STEAP2: variants seen among roughly 807,000 people sequenced by gnomAD.
The protein encoded by STEAP2 is metalloreductase STEAP2.
In STEAP2, 30 loss-of-function variants were observed where a neutral mutation model predicts 46.4. The observed-to-expected ratio is 0.65, with a 90% confidence interval of 0.48 to 0.88. The LOEUF (loss-of-function observed/expected upper bound fraction) is 0.88, where lower values mean the gene tolerates loss of function less well. STEAP2 is among the 40% of genes least tolerant of loss of function. The pLI is 0.00. For missense variants in STEAP2, 513 were observed against 579.3 expected (o/e 0.89, Z 1.18); for synonymous variants, 180 against 200.5 (o/e 0.90, Z 0.86).
At position 90,225,169 on chromosome 7, in the gene STEAP2, G is replaced by T; in HGVS notation, c.87G>T (p.Arg29Ser). 6.2e-7 allele frequency: 1 copy of T among 1,613,930 alleles called. No homozygotes were observed. Among genetic ancestry groups the T allele is most frequent in the Non-Finnish European group, 8.5e-7 (1 of 1,179,928 alleles). ...GCATAAATGGTATCAAAGATGCAAG[G>T]AAGGTCACTGTAGGTGTGATTGGAA... ...PNGINGIKDA[R>S]KVTVGVIGSG... The change falls in exon 3 of 6, where the codon AGG becomes AGT. Residue 29 changes from arginine to serine, a missense_variant. Coordinates refer to ENST00000394621, the MANE Select transcript of STEAP2 (RefSeq NM_001244944.2).
rs957786779 is a variant in STEAP2 at position 90,236,913 on chromosome 7, C to G, written c.*4289C>G. 2.5e-6 allele frequency: 4 copies of G among 1,614,044 alleles called. No homozygotes were observed. The Admixed American group carries it at 6.7e-5, about 27-fold the overall frequency. The stretch of plus-strand genomic sequence containing the variant: ...AAGATCTTTTGCAGCTTTGCAGATA[C>G]CCAGACTGAGCTGGAACTGGAATTT... On this transcript the variant is annotated 3_prime_UTR_variant, in exon 6 of 6. Coordinates refer to ENST00000394621, the MANE Select transcript of STEAP2 (RefSeq NM_001244944.2).
In STEAP2 at chr7:90,236,760, A is replaced by C. The variant is rs1047029589; in HGVS notation, c.*4136A>C. On this transcript the variant is annotated 3_prime_UTR_variant, in exon 6 of 6. Transcript: ENST00000394621. The stretch of plus-strand genomic sequence containing the variant: ...TTGAATTTCCATCATGCATTCATCC[A>C]AAATTAAGGCAGACTGTTTGGATTC... 25 of 1,434,782 alleles carry C rather than the reference A, an allele frequency of 1.7e-5. No homozygotes were observed. Among genetic ancestry groups the C allele is most frequent in the Non-Finnish European group, 2.3e-5 (25 of 1,096,164 alleles). 88.9% of individuals were successfully genotyped at this position (1,434,782 alleles called of 1,614,324 possible). A position where few individuals can be genotyped will look rare whatever the true frequency, so the allele number is the denominator to read the frequency against.
chr7:90,223,298 C>G lies in STEAP2; in HGVS notation c.-33-1752C>G, dbSNP rs544127672. On this transcript the variant is annotated intron_variant, in intron 2 of 5. Coordinates refer to ENST00000394621, the MANE Select transcript of STEAP2 (RefSeq NM_001244944.2). ...TGCTTAGTCTGGTGGCTCCCACACA[C>G]ACAGCTCCCTTGCCTTCAGGGTCAG... Among the ~76,000 whole-genome samples, 10 of 152,318 alleles carry G rather than the reference C, an allele frequency of 6.6e-5. No homozygotes were observed. In the South Asian group the frequency reaches 2.1e-3, roughly 32 times the overall value.
downstream of STEAP2, among the ~76,000 whole-genome samples, chr7:90,241,631 A>C (rs1278300799): frequency 6.6e-6 from 1 of 152,136 alleles, no homozygotes; most frequent in Non-Finnish European, 1.5e-5. Flanking sequence ...GTAGGGCTTG[A>C]GATTCTGTTT....
At position 90,233,583 on chromosome 7, in the gene STEAP2, T is replaced by A. The variant is rs1376617527; in HGVS notation, c.*959T>A. 1 of 944,598 alleles carries A rather than the reference T, an allele frequency of 1.1e-6. No homozygotes were observed. The highest frequency in any genetic ancestry group is 1.3e-6 in the Non-Finnish European group (1 of 792,868). The allele number at this position is 944,598 out of a possible 1,614,324, so 58.5% of individuals were successfully genotyped here. ...ATGGTTCTAAGTACTTTACTTGTATTATCCCATTTAATACTTAGAACAACC... is the reference window on the plus strand; with the variant it reads ...ATGGTTCTAAGTACTTTACTTGTATAATCCCATTTAATACTTAGAACAACC... On this transcript the variant is annotated 3_prime_UTR_variant, in exon 6 of 6. Transcript: ENST00000394621.
At chr7:90,226,869 C>A in intron 3 of STEAP2, 102 bp from the exon 4 acceptor site, 1 of 1,159,126 alleles carries the variant, frequency 8.6e-7, no homozygotes, top group Non-Finnish European at 1.2e-6. Flanking sequence ...AGTATTTATT[C>A]CTCAAGGTCA....
At chr7:90,222,887 T>C (rs1032234951) in intron 2 of STEAP2, among the ~76,000 whole-genome samples, 1 of 152,120 alleles carries the variant, frequency 6.6e-6, no homozygotes, top group African/African-American at 2.4e-5. Context: ...GTAAAGTCCA[T>C]TAAATCCTCT....
At chr7:90,223,375 C>T (rs763455346) in intron 2 of STEAP2, among the ~76,000 whole-genome samples, 9 of 152,202 alleles carry the variant, frequency 5.9e-5, no homozygotes, top group Non-Finnish European at 1.0e-4. Flanking sequence ...TGGGTCCTGA[C>T]TCCCCCATCT....
In STEAP2 at chr7:90,225,109, C is replaced by G; in HGVS notation, c.27C>G (p.Ser9Arg). ...TGGAATCAATCTCTATGATGGGAAGCCCTAAGAGCCTTAGTGAAACTTTTT... is the reference window on the plus strand; with the variant it reads ...TGGAATCAATCTCTATGATGGGAAGGCCTAAGAGCCTTAGTGAAACTTTTT... MESISMMG[S>R]PKSLSETFLP... is the part of the protein sequence containing the mutation. The change falls in exon 3 of 6, where the codon AGC becomes AGG. Residue 9 changes from serine to arginine, a missense_variant. By Grantham distance (110) the Ser-to-Arg change is moderately radical (BLOSUM62 -1). Coordinates refer to ENST00000394621, the MANE Select transcript of STEAP2 (RefSeq NM_001244944.2). The G allele has an allele frequency of 6.2e-7, 1 of 1,613,558 alleles. No homozygotes were observed. The highest frequency in any genetic ancestry group is 8.5e-7 in the Non-Finnish European group (1 of 1,179,780).
chr7:90,215,098 A>G (rs1008557265), intron 1 of STEAP2, among the ~76,000 whole-genome samples: 3 of 152,204 alleles, frequency 2.0e-5, no homozygotes, highest in African/African-American at 7.2e-5. Flanking sequence ...GTGAAGTACC[A>G]TGAGCTTCAA....
intron 2 of STEAP2, among the ~76,000 whole-genome samples, chr7:90,222,103 G>A (rs1469047988): frequency 1.3e-5 from 2 of 151,936 alleles, no homozygotes; most frequent in African/African-American, 2.4e-5. Flanking sequence ...ATTAACTTTC[G>A]AATGAAGTGA....
chr7:90,217,472 C>T (rs1795070325), intron 2 of STEAP2, among the ~76,000 whole-genome samples: 1 of 152,108 alleles, frequency 6.6e-6, no homozygotes, highest in Non-Finnish European at 1.5e-5. Flanking sequence ...CCATGGGATC[C>T]ACTTTTTTAG....
downstream of STEAP2, chr7:90,238,218 C>A (rs1412779388): frequency 1.4e-5 from 10 of 702,360 alleles, no homozygotes; most frequent in South Asian, 9.1e-5. Flanking sequence ...GAGTAACTGA[C>A]CTTTGTGCCT....
intron 5 of STEAP2, 31 bp downstream of exon 5, chr7:90,230,067 T>G (rs899376265): frequency 2.1e-5 from 33 of 1,601,396 alleles, no homozygotes; most frequent in Non-Finnish European, 2.7e-5. Flanking sequence ...TGAAGGATTG[T>G]GCAGGATAGG....
chr7:90,218,256 A>G (rs542494860), intron 2 of STEAP2, among the ~76,000 whole-genome samples: 1 of 152,152 alleles, frequency 6.6e-6, no homozygotes, highest in South Asian at 2.1e-4. Flanking sequence ...GCTGCACGGA[A>G]GTCTTTTAGT....
intron 1 of STEAP2, chr7:90,215,185 C>G (rs1276647271): frequency 6.6e-6 from 1 of 152,246 alleles, no homozygotes; most frequent in South Asian, 2.1e-4. Context: ...GATTACACCA[C>G]CCCACCTCAT....
chr7:90,229,603 A>C (rs995292798), intron 4 of STEAP2, among the ~76,000 whole-genome samples: 28 of 152,168 alleles, frequency 1.8e-4, no homozygotes, highest in Admixed American at 8.5e-4. Context: ...AGTCCCTGTA[A>C]TGATGATGGC....
At chr7:90,227,939 C>T (rs1372920756) in intron 4 of STEAP2, among the ~76,000 whole-genome samples, 1 of 152,160 alleles carries the variant, frequency 6.6e-6, no homozygotes, top group African/African-American at 2.4e-5. Flanking sequence ...AAGTCGAATA[C>T]ACCTCTGCTA....
Position 90,236,914 on chromosome 7 carries a change from C to T in STEAP2, c.*4290C>T. 6.2e-7 allele frequency: 1 copy of T among 1,613,958 alleles called. No individual in the cohort carries two copies. The highest frequency in any genetic ancestry group is 8.5e-7 in the Non-Finnish European group (1 of 1,179,962). On this transcript the variant is annotated 3_prime_UTR_variant, in exon 6 of 6. Coordinates refer to ENST00000394621, the MANE Select transcript of STEAP2 (RefSeq NM_001244944.2). ...AGATCTTTTGCAGCTTTGCAGATAC[C>T]CAGACTGAGCTGGAACTGGAATTTG...
Sources: gnomAD v4.1 joint callset for allele counts (sites outside exome capture counted in the v4.1 genomes callset) on GRCh38, gnomAD v4.1.1 for gene constraint, MANE v1.5 for transcripts, NCBI Gene and HGNC (gene_info 2026-07-23, HGNC 2026-07-21) for gene names.